Variants in EYS observed in about 807,000 individuals in gnomAD.
EYS encodes EGF-like photoreceptor maintenance factor, also known as protein eyes shut homolog.
Under a neutral mutation model 282.1 loss-of-function variants are expected in EYS, and 250 were observed. The ratio of observed to expected loss-of-function variants is 0.89; its 90% CI spans 0.80 to 0.98. The LOEUF is 0.98. Ranked by LOEUF, EYS falls within the 50% of genes least tolerant of loss-of-function variation. The pLI, the probability that EYS is intolerant of heterozygous loss-of-function variation, is 0.00. For missense variants in EYS, 4,016 were observed against 3,709.0 expected, an observed-to-expected ratio of 1.08 and a Z score of -2.15; for synonymous variants, 1,355 against 1,282.9, an observed-to-expected ratio of 1.06 and a Z score of -1.20.
intron 10 of EYS, among the ~76,000 whole-genome samples, chr6:65,339,378 CG>C (rs1562106406): frequency 6.6e-6 from 1 of 151,018 alleles, no homozygotes; most frequent in Non-Finnish European, 1.5e-5. Flanking sequence ...TCAGTCACCA[CG>C]GTTCAAAAAT....
At chr6:65,595,509 A>G (rs1765374365) in intron 2 of EYS, among the ~76,000 whole-genome samples, 1 of 152,062 alleles carries the variant, frequency 6.6e-6, no homozygotes, top group African/African-American at 2.4e-5. Context: ...ACCTTAAGCC[A>G]ATGACCTCCA....
intron 2 of EYS, among the ~76,000 whole-genome samples, chr6:65,511,761 T>A (rs1310890908): frequency 1.3e-5 from 2 of 152,010 alleles, no homozygotes; most frequent in Non-Finnish European, 2.9e-5. Flanking sequence ...AAGACCAGCC[T>A]GGTCAACATG....
intron 22 of EYS, among the ~76,000 whole-genome samples, chr6:64,794,759 G>T (rs1327428868): frequency 6.6e-6 from 1 of 151,992 alleles, no homozygotes; most frequent in Non-Finnish European, 1.5e-5. Flanking sequence ...TTTATTCCTT[G>T]AAATGGGACA....
chr6:65,247,867 A>G (rs1177963362), intron 12 of EYS, among the ~76,000 whole-genome samples: 1 of 152,082 alleles, frequency 6.6e-6, no homozygotes, highest in Non-Finnish European at 1.5e-5. Flanking sequence ...GTATCAGAAT[A>G]AAATTTGACC....
chr6:64,922,914 T>A (rs575569821), intron 15 of EYS, among the ~76,000 whole-genome samples: 1 of 152,122 alleles, frequency 6.6e-6, no homozygotes, highest in Non-Finnish European at 1.5e-5. Context: ...GAATTCTTTA[T>A]CCAGCATCCC....
rs139056492 is a variant in EYS at position 63,864,373 on chromosome 6, A to T, written c.7056-15T>A. On this transcript the variant is annotated splice_polypyrimidine_tract_variant and intron_variant, in intron 35 of 42. Transcript: ENST00000503581. ...TTTCATTATCACTGAGAAGGGAAAAAATTTAAAAATTCATTAGGAAACAAC... is the reference window on the plus strand; with the variant it reads ...TTTCATTATCACTGAGAAGGGAAAATATTTAAAAATTCATTAGGAAACAAC... The T allele has an allele frequency of 5.4e-4, 835 of 1,545,548 alleles. 13 individuals are homozygous for T. The East Asian group carries it at 0.02, about 36-fold the overall frequency.
In EYS at chr6:65,254,147, A is replaced by T. The variant is rs375089485; in HGVS notation, c.2023+41716T>A. On this transcript the variant is annotated intron_variant, in intron 12 of 42. Coordinates refer to ENST00000503581, the MANE Select transcript of EYS (RefSeq NM_001142800.2). Reference sequence around the variant, plus strand: ...CACAGATTTACTTTTATCTCTTAGAACTTTTTCAAATCACCTGAGCAGTTG... The same window carrying T: ...CACAGATTTACTTTTATCTCTTAGATCTTTTTCAAATCACCTGAGCAGTTG... Among the ~76,000 whole-genome samples the T allele has an allele frequency of 7.9e-5, 12 of 151,972 alleles. No individual in the cohort carries two copies. The South Asian group carries it at 2.3e-3, about 29-fold the overall frequency.
At chr6:64,674,281 T>A (rs2149898424) in intron 22 of EYS, among the ~76,000 whole-genome samples, 1 of 152,242 alleles carries the variant, frequency 6.6e-6, no homozygotes, top group Admixed American at 6.5e-5. Context: ...TAGAGAATTG[T>A]TCAATAGGTG....
intron 22 of EYS, among the ~76,000 whole-genome samples, chr6:64,728,399 A>G: frequency 6.6e-6 from 1 of 152,058 alleles, no homozygotes; most frequent in Non-Finnish European, 1.5e-5. Flanking sequence ...CAGTGGCACA[A>G]TCTCGGCTCA....
chr6:63,943,318 T>C (rs1765297805), intron 35 of EYS, among the ~76,000 whole-genome samples: 1 of 152,236 alleles, frequency 6.6e-6, no homozygotes, highest in African/African-American at 2.4e-5. Flanking sequence ...AATGGTCTTA[T>C]CCATACATTT....
rs542207061 is a variant in EYS at position 64,316,710 on chromosome 6, C to A, written c.6079-9628G>T. Among the ~76,000 whole-genome samples, 12 of 152,224 alleles carry A rather than the reference C, an allele frequency of 7.9e-5. No homozygotes were observed. In the East Asian group the frequency reaches 1.5e-3, roughly 20 times the overall value. The stretch of plus-strand genomic sequence containing the variant: ...TTTTCTTCACAGAATTGGAAAAAAA[C>A]TACTTTAAATTTCATATCAAACCAA... On this transcript the variant is annotated intron_variant, in intron 29 of 42. Coordinates refer to ENST00000503581, the MANE Select transcript of EYS (RefSeq NM_001142800.2).
At chr6:64,137,919 CA>C (rs1774215809) in intron 31 of EYS, among the ~76,000 whole-genome samples, 1 of 151,862 alleles carries the variant, frequency 6.6e-6, no homozygotes, top group African/African-American at 2.4e-5. Flanking sequence ...AAAACAAAAA[CA>C]AAAAAATAAC....
chr6:65,354,005 A>G (rs1171815927), intron 8 of EYS, among the ~76,000 whole-genome samples: 1 of 152,132 alleles, frequency 6.6e-6, no homozygotes, highest in Non-Finnish European at 1.5e-5. Flanking sequence ...TGGTGTGTTC[A>G]AATTAGACTT....
chr6:65,028,239 A>G (rs562632688), intron 13 of EYS, among the ~76,000 whole-genome samples: 41 of 152,000 alleles, frequency 2.7e-4, no homozygotes, highest in Non-Finnish European at 5.2e-4. Flanking sequence ...CAGAGTCCCA[A>G]AATGTTTTGG....
At chr6:64,920,261 T>A (rs1768297100) in intron 15 of EYS, among the ~76,000 whole-genome samples, 1 of 152,136 alleles carries the variant, frequency 6.6e-6, no homozygotes, top group Non-Finnish European at 1.5e-5. Flanking sequence ...TCAAAAAGGC[T>A]GACTACATAA....
intron 2 of EYS, among the ~76,000 whole-genome samples, chr6:65,597,336 A>G (rs529318219): frequency 1.3e-5 from 2 of 152,136 alleles, no homozygotes; most frequent in East Asian, 1.9e-4. Flanking sequence ...GTAATGTTCC[A>G]TGGAACAATA....
At chr6:65,404,102 A>G (rs866330433) in intron 6 of EYS, among the ~76,000 whole-genome samples, 3 of 152,068 alleles carry the variant, frequency 2.0e-5, no homozygotes, top group Non-Finnish European at 4.4e-5. Flanking sequence ...CTACAGGAAA[A>G]TGTTCCCCTG....
intron 29 of EYS, among the ~76,000 whole-genome samples, chr6:64,337,510 C>A (rs1455540085): frequency 6.6e-6 from 1 of 151,932 alleles, no homozygotes; most frequent in African/African-American, 2.4e-5. Flanking sequence ...CAAAAAAATT[C>A]CAGGACAAGA....
intron 22 of EYS, among the ~76,000 whole-genome samples, chr6:64,704,645 C>A (rs753468511): frequency 6.6e-6 from 1 of 151,228 alleles, no homozygotes; most frequent in Non-Finnish European, 1.5e-5. Flanking sequence ...AGTGAAATAT[C>A]GGTTATGACT....
Sources: allele counts gnomAD v4.1 joint callset (sites outside exome capture counted in the v4.1 genomes callset), GRCh38; gene constraint gnomAD v4.1.1; transcripts MANE v1.5; gene names NCBI Gene and HGNC (gene_info 2026-07-23, HGNC 2026-07-21).